Variants in PCGF5 observed in about 807,000 individuals in gnomAD.
The protein encoded by PCGF5 is polycomb group RING finger protein 5.
Under a neutral mutation model 44.3 loss-of-function variants are expected in PCGF5, and 9 were observed. That is an observed-to-expected ratio of 0.20 (90% CI 0.12 to 0.35). The LOEUF is 0.35. Ranked by LOEUF, PCGF5 falls within the 10% of genes least tolerant of loss-of-function variation. PCGF5 has a pLI of 1.00. For missense variants in PCGF5, 146 were observed against 305.3 expected (o/e 0.48, Z 3.89); for synonymous variants, 95 against 102.5 (o/e 0.93, Z 0.44).
At chr10:91,202,625 T>G (rs1844273490) in intron 1 of PCGF5, among the ~76,000 whole-genome samples, 1 of 152,242 alleles carries the variant, frequency 6.6e-6, no homozygotes, top group South Asian at 2.1e-4. Context: ...AAGTTGTTAC[T>G]ATATTTGACT....
At chr10:91,256,402 G>T (rs1036974007) in intron 6 of PCGF5, among the ~76,000 whole-genome samples, 1 of 151,810 alleles carries the variant, frequency 6.6e-6, no homozygotes, top group South Asian at 2.1e-4. Flanking sequence ...CTGAGAAACA[G>T]AAAAATAGAA....
At chr10:91,246,536 C>G (rs1845463216) in intron 3 of PCGF5, among the ~76,000 whole-genome samples, 1 of 152,096 alleles carries the variant, frequency 6.6e-6, no homozygotes, top group East Asian at 1.9e-4. Flanking sequence ...GAGCAGGGAA[C>G]TAACACAATC....
At chr10:91,176,295 G>T (rs10785993) in intron 1 of PCGF5, among the ~76,000 whole-genome samples, 44 of 152,190 alleles carry the variant, frequency 2.9e-4, no homozygotes, top group South Asian at 1.5e-3. Context: ...TAGTCTGATG[G>T]GCTTCCCTTT....
chr10:91,157,506 G>T, the PCGF5 span, among the ~76,000 whole-genome samples: 1 of 152,200 alleles, frequency 6.6e-6, no homozygotes, highest in Admixed American at 6.5e-5. Context: ...TTTGGAGACA[G>T]TGAAACCATT....
At position 91,228,076 on chromosome 10, in the gene PCGF5, A is replaced by G. The variant is rs111576384; in HGVS notation, c.112+5093A>G. 4.0e-3 allele frequency: 1,676 copies of G among 417,978 alleles called. 25 individuals carry two copies. Among genetic ancestry groups the G allele is most frequent in the African/African-American group, 0.034 (1,586 of 46,314 alleles). The allele number at this position is 417,978 out of a possible 1,614,324, so 25.9% of individuals were successfully genotyped here. A position where few individuals can be genotyped will look rare whatever the true frequency, so the allele number is the denominator to read the frequency against. ...AGGAAAACTGTCTCCTAGGATCTACATAGGCATCTTTGGGGTCTTAGGGAG... is the reference window on the plus strand; with the variant it reads ...AGGAAAACTGTCTCCTAGGATCTACGTAGGCATCTTTGGGGTCTTAGGGAG... On this transcript the variant is annotated intron_variant, in intron 2 of 9. Transcript: ENST00000336126.
chr10:91,229,992 TAAG>T (rs1431543740), intron 2 of PCGF5, among the ~76,000 whole-genome samples: 5 of 152,294 alleles, frequency 3.3e-5, no homozygotes, highest in Admixed American at 6.5e-5. Flanking sequence ...TTTTTTTAAA[TAAG>T]AAAGAATAAT....
At chr10:91,218,696 G>T (rs1380931939), upstream of PCGF5, among the ~76,000 whole-genome samples, 3 of 152,018 alleles carry the variant, frequency 2.0e-5, no homozygotes, top group Middle Eastern at 6.8e-3. Context: ...GCAGTGGTGC[G>T]ATCTCGGCTC....
chr10:91,271,739 C>T, intron 9 of PCGF5, 42 bp downstream of exon 9: 2 of 1,518,474 alleles, frequency 1.3e-6, no homozygotes, highest in Non-Finnish European at 1.8e-6. Flanking sequence ...ATCATGACAC[C>T]ATGGCGGTGA....
At chr10:91,158,542 A>G (rs1269162493), upstream of PCGF5, among the ~76,000 whole-genome samples, 1 of 152,212 alleles carries the variant, frequency 6.6e-6, no homozygotes, top group Non-Finnish European at 1.5e-5. Flanking sequence ...TCTAGACATT[A>G]AAAGGCAAGT....
At chr10:91,156,303 T>A in the PCGF5 span, among the ~76,000 whole-genome samples, 2 of 152,200 alleles carry the variant, frequency 1.3e-5, no homozygotes, top group Non-Finnish European at 2.9e-5. Flanking sequence ...CATTTTATTC[T>A]ATTTTTAGCA....
At chr10:91,238,980 AAAG>A (rs1412773346) in intron 2 of PCGF5, among the ~76,000 whole-genome samples, 1 of 152,034 alleles carries the variant, frequency 6.6e-6, no homozygotes, top group East Asian at 1.9e-4. Context: ...GTAATGGTGA[AAAG>A]AGAGAGTATG....
intron 2 of PCGF5, among the ~76,000 whole-genome samples, chr10:91,225,382 T>C (rs1324082631): frequency 6.6e-6 from 1 of 151,308 alleles, no homozygotes; most frequent in East Asian, 1.9e-4. Context: ...TAACTGCACA[T>C]GTCATCCTAG....
chr10:91,157,575 A>C, the PCGF5 span, among the ~76,000 whole-genome samples: 4 of 152,224 alleles, frequency 2.6e-5, no homozygotes, highest in Non-Finnish European at 1.5e-5. Context: ...GGGAAAATTC[A>C]GACAAAAAAG....
chr10:91,164,295 G>A (rs1380870722), intron 1 of PCGF5, among the ~76,000 whole-genome samples: 1 of 152,092 alleles, frequency 6.6e-6, no homozygotes, highest in Non-Finnish European at 1.5e-5. Flanking sequence ...GTGCAAAAGG[G>A]CAGCGGGGTC....
At chr10:91,209,194 C>T (rs1258008948) in intron 1 of PCGF5, among the ~76,000 whole-genome samples, 1 of 152,160 alleles carries the variant, frequency 6.6e-6, no homozygotes, top group Non-Finnish European at 1.5e-5. Flanking sequence ...TTCATTTACT[C>T]ATCTGTTACC....
rs1056548167 is a variant in PCGF5 at position 91,281,376 on chromosome 10, ATTAT to A, written c.*3064_*3067del. On this transcript the variant is annotated 3_prime_UTR_variant, in exon 10 of 10. Coordinates refer to ENST00000336126, the MANE Select transcript of PCGF5 (RefSeq NM_032373.5). The stretch of plus-strand genomic sequence containing the variant: ...TCAAATGTAATCTAAATTTAAACTG[ATTAT>A]TTAAGGAAAAAAAGTGTGTTATATA... 6 of 152,560 alleles carry A rather than the reference ATTAT, an allele frequency of 3.9e-5. No homozygotes were observed. The highest frequency in any genetic ancestry group is 1.9e-4 in the East Asian group (1 of 5,202). The allele number at this position is 152,560 out of a possible 1,614,324, so 9.5% of individuals were successfully genotyped here.
chr10:91,274,524 C>T (rs541868388), intron 9 of PCGF5, among the ~76,000 whole-genome samples: 35 of 152,260 alleles, frequency 2.3e-4, no homozygotes, highest in African/African-American at 8.4e-4. Context: ...GGGCAGTCTT[C>T]TAGGCCTTCG....
upstream of PCGF5, among the ~76,000 whole-genome samples, chr10:91,217,043 T>TTC (rs1844553976): frequency 6.6e-6 from 1 of 151,744 alleles, no homozygotes; most frequent in African/African-American, 2.4e-5. Context: ...TTTCACCTTT[T>TTC]TTTTTTGAGA....
intron 1 of PCGF5, among the ~76,000 whole-genome samples, chr10:91,185,432 A>G (rs10437467): frequency 0.2 from 29,778 of 152,074 alleles, 3,363 homozygotes; most frequent in East Asian, 0.49. Context: ...TCCATGCAAC[A>G]CTGTTGTCCG....
Sources: gnomAD v4.1 joint callset for allele counts (sites outside exome capture counted in the v4.1 genomes callset) on GRCh38, gnomAD v4.1.1 for gene constraint, MANE v1.5 for transcripts, NCBI Gene and HGNC (gene_info 2026-07-23, HGNC 2026-07-21) for gene names.